The following TPST1 variants were observed in gnomAD, a reference collection of about 807,000 sequenced individuals.
The protein encoded by TPST1 is protein-tyrosine sulfotransferase 1.
In TPST1, 20 loss-of-function variants were observed where a neutral mutation model predicts 34.8. The ratio of observed to expected loss-of-function variants is 0.57; its 90% CI spans 0.40 to 0.84. The LOEUF is 0.84. Among genes scored for constraint, TPST1 ranks in the 40% least tolerant of loss-of-function variants. The pLI, the probability that TPST1 is intolerant of heterozygous loss-of-function variation, is 0.00. For synonymous variants in TPST1, 152 were observed against 159.4 expected (o/e 0.95, Z 0.35); for missense variants, 353 against 455.5 (o/e 0.78, Z 2.05).
At chr7:66,276,561 T>A (rs1055976406) in intron 2 of TPST1, among the ~76,000 whole-genome samples, 17 of 151,378 alleles carry the variant, frequency 1.1e-4, no homozygotes, top group African/African-American at 4.1e-4. Context: ...TTTCAATTAG[T>A]TTAAATTGGA....
intron 1 of TPST1, among the ~76,000 whole-genome samples, chr7:66,234,532 G>C (rs1363037619): frequency 6.6e-6 from 1 of 151,824 alleles, no homozygotes; most frequent in African/African-American, 2.4e-5. Flanking sequence ...CATTTTTTCT[G>C]TTTGGAAGCC....
intron 2 of TPST1, among the ~76,000 whole-genome samples, chr7:66,250,568 A>C (rs1448476887): frequency 6.6e-6 from 1 of 152,130 alleles, no homozygotes; most frequent in Non-Finnish European, 1.5e-5. Flanking sequence ...GGAAATGGGA[A>C]TGATAATATG....
Position 66,240,819 on chromosome 7 carries a change from G to A in TPST1, c.394G>A (p.Glu132Lys). ...IRLDEAGVTDEVLDSAMQAFL... is the reference protein window; with the variant it reads ...IRLDEAGVTDKVLDSAMQAFL... ...CCTGGATGAGGCTGGTGTTACTGAT[G>A]AAGTGCTGGATTCTGCCATGCAAGC... Residue 132 changes from glutamate to lysine, a missense_variant, in exon 2 of 6, where the codon GAA becomes AAA. By Grantham distance (56) the Glu-to-Lys change is moderately conservative (BLOSUM62 1). Coordinates refer to ENST00000304842, the MANE Select transcript of TPST1 (RefSeq NM_003596.4). The A allele has an allele frequency of 6.2e-7, 1 of 1,614,208 alleles. No homozygotes were observed. The highest frequency in any genetic ancestry group is 1.1e-5 in the South Asian group (1 of 91,080).
At chr7:66,320,592 G>GTAGTCATAGTTTTTT (rs1276920183) in intron 3 of TPST1, among the ~76,000 whole-genome samples, 1 of 149,626 alleles carries the variant, frequency 6.7e-6, no homozygotes, top group East Asian at 2.0e-4. Flanking sequence ...GTTTTTGCAT[G>GTAGTCATAGTTTTTT]TAGTCATAGT....
intron 3 of TPST1, among the ~76,000 whole-genome samples, chr7:66,312,993 A>T (rs1399422236): frequency 6.6e-6 from 1 of 152,082 alleles, no homozygotes; most frequent in African/African-American, 2.4e-5. Context: ...TCTAAAGAAC[A>T]TTATGAAAAC....
At chr7:66,261,866 A>G (rs1251423304) in intron 2 of TPST1, among the ~76,000 whole-genome samples, 1 of 152,194 alleles carries the variant, frequency 6.6e-6, no homozygotes, top group Non-Finnish European at 1.5e-5. Context: ...AGCTTAGGAT[A>G]GTATCTGGCA....
At chr7:66,243,916 T>C (rs1260292270) in intron 2 of TPST1, among the ~76,000 whole-genome samples, 1 of 151,610 alleles carries the variant, frequency 6.6e-6, no homozygotes. Context: ...CTTTTCGTTT[T>C]ATTTAAACAT....
chr7:66,260,047 A>T (rs1790457926), intron 2 of TPST1, among the ~76,000 whole-genome samples: 1 of 152,056 alleles, frequency 6.6e-6, no homozygotes, highest in African/African-American at 2.4e-5. Flanking sequence ...TCACTTAGTA[A>T]TATGCTCTTT....
chr7:66,200,214 G>A, the TPST1 span, among the ~76,000 whole-genome samples: 1 of 152,154 alleles, frequency 6.6e-6, no homozygotes, highest in Non-Finnish European at 1.5e-5. Flanking sequence ...TTCTCTAGAG[G>A]TGAGTTCCCA....
At chr7:66,202,520 G>A (rs1036486216), upstream of TPST1, among the ~76,000 whole-genome samples, 2 of 152,160 alleles carry the variant, frequency 1.3e-5, no homozygotes, top group Admixed American at 1.3e-4. Context: ...TTATAGGTGG[G>A]GGAAGGATTT....
At chr7:66,300,018 T>C (rs991298997) in intron 3 of TPST1, among the ~76,000 whole-genome samples, 3 of 152,254 alleles carry the variant, frequency 2.0e-5, no homozygotes, top group East Asian at 3.9e-4. Flanking sequence ...AGTAGCATTG[T>C]GTCAAAAGAA....
At chr7:66,337,557 T>C (rs2901155) in intron 3 of TPST1, among the ~76,000 whole-genome samples, 98,045 of 151,838 alleles carry the variant, frequency 0.65, 32,017 homozygotes, top group African/African-American at 0.74. Flanking sequence ...GATCCGCCCA[T>C]CTCGGCCTCC....
chr7:66,308,304 C>T (rs1791463221), intron 3 of TPST1, among the ~76,000 whole-genome samples: 4 of 152,184 alleles, frequency 2.6e-5, no homozygotes, highest in Non-Finnish European at 4.4e-5. Context: ...ACCTCTAGGG[C>T]CTGCCATACC....
chr7:66,247,845 C>G (rs1790182548), intron 2 of TPST1, among the ~76,000 whole-genome samples: 1 of 152,250 alleles, frequency 6.6e-6, no homozygotes, highest in Non-Finnish European at 1.5e-5. Context: ...ACTCCTGGCC[C>G]AACCCAGGGC....
At chr7:66,334,748 G>A (rs1334692934) in intron 3 of TPST1, among the ~76,000 whole-genome samples, 5 of 151,928 alleles carry the variant, frequency 3.3e-5, no homozygotes, top group African/African-American at 1.2e-4. Context: ...AAAATAAGTG[G>A]TCATTTCAGA....
intron 2 of TPST1, among the ~76,000 whole-genome samples, chr7:66,245,026 A>C (rs1790119055): frequency 6.6e-6 from 1 of 152,238 alleles, no homozygotes; most frequent in Admixed American, 6.5e-5. Flanking sequence ...AAAGCAAAGA[A>C]AGACTGAATA....
intron 2 of TPST1, among the ~76,000 whole-genome samples, chr7:66,277,758 A>G (rs984979943): frequency 6.6e-6 from 1 of 152,098 alleles, no homozygotes; most frequent in South Asian, 2.1e-4. Flanking sequence ...ATGGAGTGAC[A>G]TGACCTGACT....
At chr7:66,296,126 G>A (rs1246142093) in intron 3 of TPST1, among the ~76,000 whole-genome samples, 1 of 152,068 alleles carries the variant, frequency 6.6e-6, no homozygotes, top group Non-Finnish European at 1.5e-5. Context: ...GCTTTCTTGA[G>A]TGGTGGGTTG....
chr7:66,315,567 C>G (rs779548117), intron 3 of TPST1, among the ~76,000 whole-genome samples: 2 of 152,130 alleles, frequency 1.3e-5, no homozygotes, highest in Non-Finnish European at 2.9e-5. Flanking sequence ...GGTAGTATAA[C>G]CAGCACACTA....
Sources: allele counts gnomAD v4.1 joint callset (sites outside exome capture counted in the v4.1 genomes callset), GRCh38; gene constraint gnomAD v4.1.1; transcripts MANE v1.5; gene names NCBI Gene and HGNC (gene_info 2026-07-23, HGNC 2026-07-21).